TIMP3: variants seen among roughly 807,000 people sequenced by gnomAD.
The protein encoded by TIMP3 is metalloproteinase inhibitor 3.
Under a neutral mutation model 30.0 loss-of-function variants are expected in TIMP3, and 11 were observed. That is an observed-to-expected ratio of 0.37 (90% CI 0.23 to 0.61). TIMP3 has a LOEUF of 0.61. TIMP3 is among the 20% of genes least tolerant of loss of function. The pLI is 0.70. For missense variants in TIMP3, 181 were observed against 276.8 expected (o/e 0.65, Z 2.45); for synonymous variants, 112 against 111.3 (o/e 1.01, Z -0.04).
At chr22:32,823,474 G>A (rs972127095) in intron 1 of TIMP3, among the ~76,000 whole-genome samples, 9 of 152,114 alleles carry the variant, frequency 5.9e-5, no homozygotes, top group African/African-American at 2.2e-4. Flanking sequence ...GCAGTGGGCC[G>A]TCTGTGTCCC....
chr22:32,842,706 G>A (rs556805339), intron 1 of TIMP3, among the ~76,000 whole-genome samples: 3 of 152,300 alleles, frequency 2.0e-5, no homozygotes, highest in Admixed American at 2.0e-4. Context: ...CCCTTAGGGA[G>A]CCTGTGGTTT....
intron 2 of TIMP3, among the ~76,000 whole-genome samples, chr22:32,855,738 G>A (rs553044096): frequency 2.4e-4 from 36 of 152,198 alleles, no homozygotes; most frequent in Middle Eastern, 6.8e-3. Flanking sequence ...TACCCTCTAC[G>A]AACTGTTGTG....
chr22:32,801,783 C>T lies in TIMP3; in HGVS notation c.-219C>T, dbSNP rs966722294. The T allele has an allele frequency of 3.1e-5, 11 of 350,290 alleles. No homozygotes were observed. The highest frequency in any genetic ancestry group is 1.7e-4 in the African/African-American group (8 of 45,960). 21.7% of individuals were successfully genotyped at this position (350,290 alleles called of 1,614,324 possible). ...TGCTCCTCCAGCTCCTGCTCCTTCGCCGGGAGGCCGCCCGCCGAGTCCTGC... is the reference window on the plus strand; with the variant it reads ...TGCTCCTCCAGCTCCTGCTCCTTCGTCGGGAGGCCGCCCGCCGAGTCCTGC... On this transcript the variant is annotated 5_prime_UTR_variant, in exon 1 of 5. Transcript: ENST00000266085. The surrounding 1 kb of genome is among the most constrained non-coding windows in gnomAD (Gnocchi z 4.7).
chr22:32,829,655 TC>T (rs1366007191), intron 1 of TIMP3, among the ~76,000 whole-genome samples: 12 of 152,022 alleles, frequency 7.9e-5, no homozygotes, highest in Non-Finnish European at 1.5e-4. Context: ...CACTGGCTGT[TC>T]CCTCCTCCAG....
chr22:32,812,073 C>G (rs2046930567), intron 1 of TIMP3, among the ~76,000 whole-genome samples: 1 of 152,158 alleles, frequency 6.6e-6, no homozygotes, highest in Non-Finnish European at 1.5e-5. Flanking sequence ...CTGGAGTCCC[C>G]TTGGTGATAC....
At chr22:32,815,231 G>A (rs1177705367) in intron 1 of TIMP3, among the ~76,000 whole-genome samples, 1 of 152,230 alleles carries the variant, frequency 6.6e-6, no homozygotes, top group Non-Finnish European at 1.5e-5. Context: ...CCAAGGCTCA[G>A]AGGCTACTGA....
At chr22:32,807,446 C>G (rs1316076290) in intron 1 of TIMP3, among the ~76,000 whole-genome samples, 1 of 124,980 alleles carries the variant, frequency 8.0e-6, no homozygotes, top group Non-Finnish European at 1.6e-5. Context: ...ATATATATTT[C>G]TTTTATGTAT....
chr22:32,827,225 A>G (rs904760387), intron 1 of TIMP3, among the ~76,000 whole-genome samples: 2 of 152,312 alleles, frequency 1.3e-5, no homozygotes, highest in Non-Finnish European at 2.9e-5. Context: ...GCTTCTCCAC[A>G]TTGCTGGGTG....
At chr22:32,848,296 AC>A (rs1306760429) in intron 1 of TIMP3, among the ~76,000 whole-genome samples, 1 of 152,186 alleles carries the variant, frequency 6.6e-6, no homozygotes, top group East Asian at 1.9e-4. Context: ...TTTCTGCCAG[AC>A]ATTGTAGTGG....
At chr22:32,841,090 A>C (rs1165127811) in intron 1 of TIMP3, among the ~76,000 whole-genome samples, 1 of 152,034 alleles carries the variant, frequency 6.6e-6, no homozygotes, top group Non-Finnish European at 1.5e-5. Context: ...TTTTTAAATC[A>C]CTCTGTGTGT....
At chr22:32,850,876 C>T (rs976803714) in intron 2 of TIMP3, among the ~76,000 whole-genome samples, 3 of 152,184 alleles carry the variant, frequency 2.0e-5, no homozygotes, top group Non-Finnish European at 2.9e-5. Flanking sequence ...ACGCAGCCCA[C>T]GGTGGTACCC....
At chr22:32,844,056 G>C (rs1209201674) in intron 1 of TIMP3, among the ~76,000 whole-genome samples, 1 of 152,150 alleles carries the variant, frequency 6.6e-6, no homozygotes, top group African/African-American at 2.4e-5. Flanking sequence ...GGACTCCTAA[G>C]TTAGTATACA....
chr22:32,811,432 G>A (rs1340114569), intron 1 of TIMP3, among the ~76,000 whole-genome samples: 2 of 152,200 alleles, frequency 1.3e-5, no homozygotes, highest in African/African-American at 4.8e-5. Flanking sequence ...CACTTTCGGT[G>A]AGGAAAATGG....
At chr22:32,847,518 C>G (rs1351681922) in intron 1 of TIMP3, among the ~76,000 whole-genome samples, 1 of 152,198 alleles carries the variant, frequency 6.6e-6, no homozygotes, top group East Asian at 1.9e-4. Context: ...GACTTCATGT[C>G]TGACTGCAAG....
intron 1 of TIMP3, among the ~76,000 whole-genome samples, chr22:32,807,373 TATATA>T (rs1191356737): frequency 8.0e-5 from 9 of 112,196 alleles, no homozygotes; most frequent in African/African-American, 2.3e-4. Flanking sequence ...ATATATATTA[TATATA>T]ATATATATTA....
chr22:32,807,395 A>ATG (rs2046789573), intron 1 of TIMP3, among the ~76,000 whole-genome samples: 2 of 100,150 alleles, frequency 2.0e-5, no homozygotes, highest in Non-Finnish European at 3.9e-5. Flanking sequence ...ATTATATATA[A>ATG]TATATATATA....
chr22:32,804,651 T>C (rs573399448), intron 1 of TIMP3, among the ~76,000 whole-genome samples: 32 of 152,328 alleles, frequency 2.1e-4, no homozygotes, highest in African/African-American at 7.7e-4. Context: ...GTGTCTCTTT[T>C]TGTCTTTTTT....
intron 2 of TIMP3, among the ~76,000 whole-genome samples, chr22:32,855,248 C>A (rs866043692): frequency 1.8e-4 from 28 of 152,322 alleles, no homozygotes; most frequent in Admixed American, 3.9e-4. Flanking sequence ...GCACACTGGG[C>A]TTGTGTAATA....
chr22:32,847,900 C>T (rs2048113981), intron 1 of TIMP3, among the ~76,000 whole-genome samples: 1 of 152,188 alleles, frequency 6.6e-6, no homozygotes, highest in Non-Finnish European at 1.5e-5. Flanking sequence ...TGGAAGTATC[C>T]AGCACCCTCA....
Sources: allele counts gnomAD v4.1 joint callset (sites outside exome capture counted in the v4.1 genomes callset), GRCh38; gene constraint gnomAD v4.1.1; non-coding constraint Gnocchi (gnomAD v3.1); transcripts MANE v1.5; gene names NCBI Gene and HGNC (gene_info 2026-07-23, HGNC 2026-07-21).